BTBD9: variants seen among roughly 807,000 people sequenced by gnomAD.
BTBD9 encodes the protein BTB domain containing 9, also known as BTB/POZ domain-containing protein 9.
Under a neutral mutation model 64.3 loss-of-function variants are expected in BTBD9, and 49 were observed. That is an observed-to-expected ratio of 0.76 (90% CI 0.61 to 0.97). The LOEUF is 0.97. Among genes scored for constraint, BTBD9 ranks in the 50% least tolerant of loss-of-function variants. BTBD9 has a pLI of 0.00. For missense variants in BTBD9, 598 were observed against 762.1 expected (o/e 0.78, Z 2.53); for synonymous variants, 260 against 274.7 (o/e 0.95, Z 0.53).
At chr6:38,306,887 T>A (rs1214126305) in intron 7 of BTBD9, among the ~76,000 whole-genome samples, 3 of 152,358 alleles carry the variant, frequency 2.0e-5, no homozygotes, top group African/African-American at 7.2e-5. Flanking sequence ...TGGGCTTTAT[T>A]CAATGTTTCC....
chr6:38,208,872 T>C (rs1447904767), intron 9 of BTBD9, among the ~76,000 whole-genome samples: 1 of 152,216 alleles, frequency 6.6e-6, no homozygotes, highest in African/African-American at 2.4e-5. Context: ...CTAACCTGAC[T>C]GCAGACCTGA....
intron 7 of BTBD9, among the ~76,000 whole-genome samples, chr6:38,327,084 T>C (rs531984476): frequency 2.5e-4 from 38 of 152,186 alleles, no homozygotes; most frequent in Non-Finnish European, 4.3e-4. Context: ...ATCCCCTGCT[T>C]GAGCACTAGG....
At chr6:38,523,623 T>A (rs1366824449) in intron 6 of BTBD9, among the ~76,000 whole-genome samples, 1 of 152,218 alleles carries the variant, frequency 6.6e-6, no homozygotes, top group Non-Finnish European at 1.5e-5. Context: ...CCAAATGCTA[T>A]CTGCCCTTCA....
intron 3 of BTBD9, among the ~76,000 whole-genome samples, chr6:38,593,308 C>A (rs539596579): frequency 6.6e-6 from 1 of 152,256 alleles, no homozygotes; most frequent in East Asian, 1.9e-4. Context: ...CCTCAAAGAT[C>A]ATTGTCTTTA....
At chr6:38,482,493 T>C (rs1222142669) in intron 6 of BTBD9, 1 of 151,900 alleles carries the variant, frequency 6.6e-6, no homozygotes, top group South Asian at 2.1e-4. Flanking sequence ...AGAGAAATCA[T>C]ATTAATTATT....
intron 9 of BTBD9, among the ~76,000 whole-genome samples, chr6:38,238,664 G>A (rs1561912370): frequency 6.6e-6 from 1 of 151,890 alleles, no homozygotes; most frequent in Non-Finnish European, 1.5e-5. Flanking sequence ...TAGTAGAGAC[G>A]GGGTTTCACC....
At chr6:38,318,466 C>A (rs1328479147) in intron 7 of BTBD9, among the ~76,000 whole-genome samples, 1 of 152,168 alleles carries the variant, frequency 6.6e-6, no homozygotes, top group East Asian at 1.9e-4. Flanking sequence ...GTCACTGCAG[C>A]CATATCTACA....
chr6:38,188,507 T>C (rs1307487603), intron 10 of BTBD9, among the ~76,000 whole-genome samples: 2 of 152,264 alleles, frequency 1.3e-5, no homozygotes, highest in Non-Finnish European at 2.9e-5. Context: ...TTTCCCTTTA[T>C]TGTACACACA....
chr6:38,613,060 T>A (rs1777664344), intron 1 of BTBD9: 1 of 152,184 alleles, frequency 6.6e-6, no homozygotes, highest in African/African-American at 2.4e-5. Context: ...TAAATTGTAT[T>A]TCAAAGACTT....
At chr6:38,347,043 C>G (rs2294737) in intron 6 of BTBD9, among the ~76,000 whole-genome samples, 1 of 152,268 alleles carries the variant, frequency 6.6e-6, no homozygotes, top group East Asian at 1.9e-4. Flanking sequence ...CCAGGCTGAC[C>G]TAAGGGATGC....
chr6:38,387,862 G>A (rs1000191274), intron 6 of BTBD9, among the ~76,000 whole-genome samples: 1 of 152,082 alleles, frequency 6.6e-6, no homozygotes, highest in Non-Finnish European at 1.5e-5. Flanking sequence ...AGACATTTGT[G>A]GCAAAGAGGC....
intron 6 of BTBD9, among the ~76,000 whole-genome samples, chr6:38,396,729 T>C (rs2127628537): frequency 6.6e-6 from 1 of 152,260 alleles, no homozygotes; most frequent in South Asian, 2.1e-4. Flanking sequence ...TAATCTAAAT[T>C]AAGATGAGCT....
intron 6 of BTBD9, among the ~76,000 whole-genome samples, chr6:38,422,238 A>T (rs1453157537): frequency 6.6e-6 from 1 of 152,180 alleles, no homozygotes; most frequent in African/African-American, 2.4e-5. Context: ...TAGAACCAAT[A>T]TATACAAAAA....
chr6:38,227,786 T>C (rs1763449711), intron 9 of BTBD9, among the ~76,000 whole-genome samples: 1 of 152,248 alleles, frequency 6.6e-6, no homozygotes, highest in South Asian at 2.1e-4. Flanking sequence ...TCTTGTGCTC[T>C]GATTAGCAGC....
At chr6:38,457,396 T>C (rs781588761) in intron 6 of BTBD9, among the ~76,000 whole-genome samples, 5 of 152,138 alleles carry the variant, frequency 3.3e-5, no homozygotes, top group Non-Finnish European at 7.3e-5. Flanking sequence ...GTGGTGTTAG[T>C]GCAGATTGCA....
chr6:38,583,532 C>A (rs975711249), intron 4 of BTBD9, among the ~76,000 whole-genome samples: 1 of 152,008 alleles, frequency 6.6e-6, no homozygotes, highest in East Asian at 1.9e-4. Flanking sequence ...AGGCCAAAGA[C>A]GGGAACATCA....
At chr6:38,372,148 C>T (rs1394487439) in intron 6 of BTBD9, among the ~76,000 whole-genome samples, 1 of 152,164 alleles carries the variant, frequency 6.6e-6, no homozygotes, top group Non-Finnish European at 1.5e-5. Flanking sequence ...AACAATGAAA[C>T]CAATGTCTTT....
intron 9 of BTBD9, among the ~76,000 whole-genome samples, chr6:38,209,610 T>TG (rs569229057): frequency 1.6e-4 from 25 of 152,214 alleles, no homozygotes; most frequent in East Asian, 7.7e-4. Flanking sequence ...TCAAAACCTC[T>TG]GGGGGGGTGG....
chr6:38,586,423 G>A (rs1201517855), intron 4 of BTBD9, among the ~76,000 whole-genome samples: 1 of 150,214 alleles, frequency 6.7e-6, no homozygotes, highest in African/African-American at 2.4e-5. Flanking sequence ...TTTTAAGGGG[G>A]AAAAAAAATC....
Sources: gnomAD v4.1 joint callset for allele counts (sites outside exome capture counted in the v4.1 genomes callset) on GRCh38, gnomAD v4.1.1 for gene constraint, MANE v1.5 for transcripts, NCBI Gene and HGNC (gene_info 2026-07-23, HGNC 2026-07-21) for gene names.